CLASP1: variants seen among roughly 807,000 people sequenced by gnomAD.
The protein encoded by CLASP1 is CLIP-associating protein 1.
CLASP1 carries 38 observed loss-of-function variants against 192.3 expected under a neutral mutation model. The ratio of observed to expected loss-of-function variants is 0.20; its 90% CI spans 0.15 to 0.26. CLASP1 has a LOEUF of 0.26. CLASP1 is among the 10% of genes least tolerant of loss of function. The pLI is 1.00. For synonymous variants in CLASP1, 691 were observed against 712.8 expected, an observed-to-expected ratio of 0.97 and a Z score of 0.49; for missense variants, 1,433 against 1,932.5, an observed-to-expected ratio of 0.74 and a Z score of 4.85.
At chr2:121,382,157 A>C (rs2071831447) in intron 33 of CLASP1, 51 bp downstream of exon 34, 2 of 1,424,736 alleles carry the variant, frequency 1.4e-6, no homozygotes, top group Non-Finnish European at 9.7e-7. Context: ...CGACCTTGGA[A>C]ATGCAATAAT....
At chr2:121,372,478 A>G (rs929197984) in intron 34 of CLASP1, among the ~76,000 whole-genome samples, 1 of 152,254 alleles carries the variant, frequency 6.6e-6, no homozygotes, top group Non-Finnish European at 1.5e-5. Context: ...ACAGACTGGT[A>G]TATCCAAAGT....
intron 2 of CLASP1, among the ~76,000 whole-genome samples, chr2:121,545,523 G>A (rs2095312349): frequency 6.6e-6 from 1 of 151,842 alleles, no homozygotes; most frequent in African/African-American, 2.4e-5. Context: ...ATTTCTTTTC[G>A]TGTCATTTTC....
chr2:121,429,364 ACT>A lies in CLASP1; in HGVS notation c.2017+707_2017+708del, dbSNP rs568810231. ...TCCCACGCTCACCTTGCCCAGGAGC[ACT>A]CTGCTACCCAGCTCTACTCGACATG... On this transcript the variant is annotated intron_variant, in intron 20 of 39. Transcript: ENST00000263710. 2.9e-3 allele frequency among the ~76,000 whole-genome samples: 439 copies of A among 152,200 alleles called. 3 individuals carry two copies. The highest frequency in any genetic ancestry group is 9.9e-3 in the African/African-American group (410 of 41,530).
chr2:121,399,663 G>A (rs530559301), intron 28 of CLASP1, among the ~76,000 whole-genome samples: 3 of 152,238 alleles, frequency 2.0e-5, no homozygotes, highest in South Asian at 2.1e-4. Flanking sequence ...TATTAAAAAC[G>A]CTTTAGGCAC....
intron 20 of CLASP1, among the ~76,000 whole-genome samples, chr2:121,428,337 T>C (rs1174051791): frequency 6.6e-6 from 1 of 152,176 alleles, no homozygotes; most frequent in African/African-American, 2.4e-5. Flanking sequence ...ATATGTAAAA[T>C]ACTGTTCAAC....
chr2:121,531,157 G>GGGAA (rs952799215), intron 2 of CLASP1: 1 of 611,312 alleles, frequency 1.6e-6, no homozygotes, highest in African/African-American at 1.8e-5. Flanking sequence ...GTGATTAAAC[G>GGGAA]GGAAGGATTT....
At chr2:121,495,097 C>T (rs540049884) in intron 8 of CLASP1, among the ~76,000 whole-genome samples, 9 of 151,264 alleles carry the variant, frequency 5.9e-5, no homozygotes, top group Non-Finnish European at 1.3e-4. Flanking sequence ...CCGAGGCGGG[C>T]GGATCACAAG....
intron 3 of CLASP1, among the ~76,000 whole-genome samples, chr2:121,529,045 G>A (rs143666433): frequency 7.2e-5 from 11 of 152,262 alleles, no homozygotes; most frequent in African/African-American, 2.6e-4. Context: ...AGTTCCCAAC[G>A]TATTTGTAAG....
At chr2:121,416,101 T>A (rs550736670) in intron 23 of CLASP1, among the ~76,000 whole-genome samples, 1 of 152,192 alleles carries the variant, frequency 6.6e-6, no homozygotes, top group East Asian at 1.9e-4. Flanking sequence ...ACTGAAATAG[T>A]TTTTAAGCAG....
chr2:121,464,813 T>C (rs1488447558), intron 9 of CLASP1, among the ~76,000 whole-genome samples: 4 of 152,174 alleles, frequency 2.6e-5, no homozygotes, highest in Non-Finnish European at 4.4e-5. Context: ...TTCACGCTGA[T>C]GGTAGTTTCT....
At chr2:121,551,822 C>T (rs1056693164) in intron 2 of CLASP1, among the ~76,000 whole-genome samples, 3 of 152,128 alleles carry the variant, frequency 2.0e-5, no homozygotes, top group Non-Finnish European at 2.9e-5. Flanking sequence ...CTACCACTGA[C>T]ATTCTTCAAA....
chr2:121,347,589 G>A (rs2063615406), intron 38 of CLASP1, among the ~76,000 whole-genome samples: 1 of 152,200 alleles, frequency 6.6e-6, no homozygotes, highest in South Asian at 2.1e-4. Context: ...TCGCTCTTGT[G>A]AGCAAAACCC....
chr2:121,474,171 T>C (rs777160045), intron 8 of CLASP1, among the ~76,000 whole-genome samples: 6 of 152,148 alleles, frequency 3.9e-5, no homozygotes, highest in Non-Finnish European at 8.8e-5. Flanking sequence ...TCTTATGTAA[T>C]AGGCCAATAA....
At chr2:121,590,460 A>G (rs74363580) in intron 2 of CLASP1, among the ~76,000 whole-genome samples, 5,657 of 152,310 alleles carry the variant, frequency 0.037, 155 homozygotes, top group East Asian at 0.14. Context: ...AAGTGATATA[A>G]CTTACTCAGT....
At chr2:121,432,024 C>T (rs2081515640) in intron 19 of CLASP1, among the ~76,000 whole-genome samples, 1 of 151,964 alleles carries the variant, frequency 6.6e-6, no homozygotes, top group African/African-American at 2.4e-5. Context: ...TTATGTGTGT[C>T]TGGGTTTCTC....
chr2:121,500,364 GAAAGAAAGAAAGAA>G (rs1226031099), intron 8 of CLASP1, among the ~76,000 whole-genome samples: 6 of 104,982 alleles, frequency 5.7e-5, no homozygotes, highest in African/African-American at 2.4e-4. Flanking sequence ...AAGAAAGAAA[GAAAGAAAGAAAGAA>G]AGAAAGAAAG....
intron 1 of CLASP1, among the ~76,000 whole-genome samples, chr2:121,644,523 C>T (rs1029015131): frequency 1.5e-4 from 23 of 152,210 alleles, no homozygotes; most frequent in African/African-American, 5.1e-4. Flanking sequence ...GCATGTGCCA[C>T]CACGCCTGTA....
intron 39 of CLASP1, among the ~76,000 whole-genome samples, chr2:121,345,543 G>T (rs1232746208): frequency 6.6e-6 from 1 of 152,160 alleles, no homozygotes; most frequent in East Asian, 1.9e-4. Flanking sequence ...CTGGTCAGCA[G>T]GAATCACCTA....
At chr2:121,397,211 T>C in exon 30 of CLASP1, 4 of 1,613,850 alleles carry the variant, frequency 2.5e-6, no homozygotes, top group African/African-American at 1.3e-5. Flanking sequence ...CTTGTCTCAC[T>C]AGAGTTTACA....
Sources: gnomAD v4.1 joint callset for allele counts (sites outside exome capture counted in the v4.1 genomes callset) on GRCh38, gnomAD v4.1.1 for gene constraint, MANE v1.5 for transcripts, NCBI Gene and HGNC (gene_info 2026-07-23, HGNC 2026-07-21) for gene names.